EIF2AK1: variants seen among roughly 807,000 people sequenced by gnomAD.
The protein encoded by EIF2AK1 is eukaryotic translation initiation factor 2 alpha kinase 1.
EIF2AK1 carries 54 observed loss-of-function variants against 77.9 expected under a neutral mutation model. The ratio of observed to expected loss-of-function variants is 0.69; its 90% CI spans 0.56 to 0.87. EIF2AK1 has a LOEUF of 0.87. Ranked by LOEUF, EIF2AK1 falls within the 40% of genes least tolerant of loss-of-function variation. EIF2AK1 has a pLI of 0.00. For synonymous variants in EIF2AK1, 314 were observed against 290.5 expected (o/e 1.08, Z -0.82); for missense variants, 810 against 768.6 (o/e 1.05, Z -0.64).
rs1253653601 is a variant in EIF2AK1 at position 6,023,390 on chromosome 7, T to C, written c.*1283A>G. 3 of 1,614,170 alleles carry C rather than the reference T, an allele frequency of 1.9e-6. No homozygotes were observed. The highest frequency in any genetic ancestry group is 2.5e-6 in the Non-Finnish European group (3 of 1,180,012). On this transcript the variant is annotated 3_prime_UTR_variant, in exon 15 of 15. Coordinates refer to ENST00000199389, the MANE Select transcript of EIF2AK1 (RefSeq NM_014413.4). The stretch of plus-strand genomic sequence containing the variant: ...ATTGCACGTTTCTTGTTCTCTCTGT[T>C]TGGCCAGAAGCATAATGCTGTCAAC...
At chr7:6,044,496 C>T in intron 7 of EIF2AK1, 66 bp downstream of exon 7, 2 of 1,346,120 alleles carry the variant, frequency 1.5e-6, no homozygotes, top group Non-Finnish European at 1.0e-6. Flanking sequence ...CAAAGGCAGG[C>T]CAGATTTGGT....
At chr7:6,053,841 A>ATT (rs34993470) in intron 2 of EIF2AK1, among the ~76,000 whole-genome samples, 59 of 145,940 alleles carry the variant, frequency 4.0e-4, no homozygotes, top group East Asian at 8.1e-4. Context: ...GTAGTTTTGC[A>ATT]TTTTTTTTTT....
At chr7:6,045,250 C>A (rs909431360) in intron 6 of EIF2AK1, among the ~76,000 whole-genome samples, 1 of 151,910 alleles carries the variant, frequency 6.6e-6, no homozygotes, top group Non-Finnish European at 1.5e-5. Context: ...GGATTACAAG[C>A]ATGCACTACC....
intron 7 of EIF2AK1, among the ~76,000 whole-genome samples, chr7:6,043,805 A>G (rs1788365948): frequency 6.6e-6 from 1 of 151,940 alleles, no homozygotes; most frequent in African/African-American, 2.4e-5. Context: ...ATTTATTGAT[A>G]TTTAAATTTT....
In EIF2AK1 at chr7:6,023,938, A is replaced by G. The variant is rs895055568; in HGVS notation, c.*735T>C. On this transcript the variant is annotated 3_prime_UTR_variant, in exon 15 of 15. Coordinates refer to ENST00000199389, the MANE Select transcript of EIF2AK1 (RefSeq NM_014413.4). ...TCTGGGATTCAAAAACCAATTCATC[A>G]GATCGCTGCCTCTGAGGGATGTACA... 39 of 1,438,850 alleles carry G rather than the reference A, an allele frequency of 2.7e-5. No homozygotes were observed. In the East Asian group the frequency reaches 1.1e-3, roughly 40 times the overall value. 89.1% of individuals were successfully genotyped at this position (1,438,850 alleles called of 1,614,324 possible). A position where few individuals can be genotyped will look rare whatever the true frequency, so the allele number is the denominator to read the frequency against.
Position 6,054,720 on chromosome 7 carries a change from G to A in EIF2AK1, c.119-16C>T, listed in dbSNP as rs1788702822. On this transcript the variant is annotated splice_polypyrimidine_tract_variant and intron_variant, in intron 1 of 14. Coordinates refer to ENST00000199389, the MANE Select transcript of EIF2AK1 (RefSeq NM_014413.4). ...ACATCAGATTCTAAAAATTAAAAAG[G>A]AAAATATTTTTAAATTAATGGTAAA... is the stretch of plus-strand genomic sequence containing the variant. The A allele has an allele frequency of 1.9e-6, 3 of 1,603,766 alleles. No individual in the cohort carries two copies. The highest frequency in any genetic ancestry group is 2.7e-5 in the African/African-American group (2 of 74,490).
At chr7:6,038,852 G>A (rs1187481478) in intron 9 of EIF2AK1, among the ~76,000 whole-genome samples, 181 bp from the exon 10 acceptor site, 1 of 152,124 alleles carries the variant, frequency 6.6e-6, no homozygotes, top group Non-Finnish European at 1.5e-5. Context: ...GCCCACCCAA[G>A]AAGCCCAAAG....
chr7:6,038,778 C>A, intron 9 of EIF2AK1, 107 bp from the exon 10 acceptor site: 2 of 877,644 alleles, frequency 2.3e-6, no homozygotes, highest in East Asian at 3.0e-5. Flanking sequence ...GAGTAGGCCT[C>A]TAGGGAAGTC....
At position 6,027,587 on chromosome 7, in the gene EIF2AK1, C is replaced by A. The variant is rs1312566256; in HGVS notation, c.1531-626G>T. On this transcript the variant is annotated intron_variant, in intron 13 of 14. Transcript: ENST00000199389. This position sits in a 1 kb window ranked among gnomAD's most constrained non-coding sequence, Gnocchi z 4.5. ...TGGATTTTAGCATTTCTTCCAGGAA[C>A]AAGGGAGATTCAAACTTTACAGCAT... Among the ~76,000 whole-genome samples the A allele has an allele frequency of 6.6e-6, 1 of 151,972 alleles. No individual in the cohort carries two copies. The highest frequency in any genetic ancestry group is 1.5e-5 in the Non-Finnish European group (1 of 67,986).
chr7:6,053,276 A>G (rs1158944697), intron 2 of EIF2AK1, among the ~76,000 whole-genome samples: 1 of 152,172 alleles, frequency 6.6e-6, no homozygotes, highest in Admixed American at 6.6e-5. Context: ...TGTGATGTGT[A>G]ATAATCACAT....
chr7:6,051,838 A>G (rs1788614972), intron 2 of EIF2AK1, among the ~76,000 whole-genome samples: 1 of 152,180 alleles, frequency 6.6e-6, no homozygotes, highest in East Asian at 1.9e-4. Context: ...CAACTCACTG[A>G]TTACATCAAA....
chr7:6,028,483 C>G, intron 13 of EIF2AK1, 132 bp downstream of exon 13: 1 of 769,406 alleles, frequency 1.3e-6, no homozygotes, highest in Non-Finnish European at 2.2e-6. Context: ...AACTCCTGAC[C>G]TCCGGTGATC....
At chr7:6,025,380 T>A (rs963046776) in intron 14 of EIF2AK1, among the ~76,000 whole-genome samples, 1 of 89,664 alleles carries the variant, frequency 1.1e-5, no homozygotes, top group Non-Finnish European at 2.5e-5. Flanking sequence ...CAGGCTGGTC[T>A]TGAACTCCTG....
rs1389865893 is a variant in EIF2AK1 at position 6,037,538 on chromosome 7, A to C, written c.1232-14T>G. On this transcript the variant is annotated splice_polypyrimidine_tract_variant and intron_variant, in intron 10 of 14. Transcript: ENST00000199389. ...TAACATAAGGACCTTGAAGTAAAAA[A>C]AAATAGTTTTATTTCTCTAATTTTT... 6.5e-6 allele frequency: 10 copies of C among 1,541,300 alleles called. No homozygotes were observed. The highest frequency in any genetic ancestry group is 1.2e-5 in the South Asian group (1 of 86,248).
chr7:6,022,511 A>G lies in EIF2AK1; in HGVS notation c.*2162T>C, dbSNP rs1787499653. 1 of 152,238 alleles carries G rather than the reference A, an allele frequency of 6.6e-6. No individual in the cohort carries two copies. The highest frequency in any genetic ancestry group is 2.4e-5 in the African/African-American group (1 of 41,468). The allele number at this position is 152,238 out of a possible 1,614,324, so 9.4% of individuals were successfully genotyped here. A position where few individuals can be genotyped will look rare whatever the true frequency, so the allele number is the denominator to read the frequency against. The stretch of plus-strand genomic sequence containing the variant: ...CAACATGGTTTTGATAAGAGGCAGC[A>G]AGGGTTTAGGACATTCTGTGGCATA... On this transcript the variant is annotated 3_prime_UTR_variant, in exon 15 of 15. Transcript: ENST00000199389.
Position 6,024,551 on chromosome 7 carries a change from C to G in EIF2AK1, c.*122G>C. The G allele has an allele frequency of 6.6e-7, 1 of 1,514,730 alleles. No individual in the cohort carries two copies. The highest frequency in any genetic ancestry group is 1.4e-5 in the African/African-American group (1 of 71,032). 93.8% of individuals were successfully genotyped at this position (1,514,730 alleles called of 1,614,324 possible). A position where few individuals can be genotyped will look rare whatever the true frequency, so the allele number is the denominator to read the frequency against. On this transcript the variant is annotated 3_prime_UTR_variant, in exon 15 of 15. Transcript: ENST00000199389. ...GGAAGGAACGGCAGCTTGGGGCACT[C>G]TGACATCTTTAACAAGTCTTGTAAA...
rs780145663 is a variant in EIF2AK1, at chr7:6,023,900, A to G, written c.*773T>C. 2.0e-6 allele frequency: 3 copies of G among 1,503,840 alleles called. No homozygotes were observed. Among genetic ancestry groups the G allele is most frequent in the South Asian group, 1.2e-5 (1 of 82,878 alleles). The allele number at this position is 1,503,840 out of a possible 1,614,324, so 93.2% of individuals were successfully genotyped here. On this transcript the variant is annotated 3_prime_UTR_variant, in exon 15 of 15. Coordinates refer to ENST00000199389, the MANE Select transcript of EIF2AK1 (RefSeq NM_014413.4). ...ATCTACCGTGATGACTGCCAACTCC[A>G]TGGCAGACCCTTTCTGGGATTCAAA... is the stretch of plus-strand genomic sequence containing the variant.
intron 1 of EIF2AK1, among the ~76,000 whole-genome samples, chr7:6,056,669 A>G (rs961113489): frequency 4.9e-5 from 7 of 141,758 alleles, no homozygotes; most frequent in African/African-American, 1.8e-4. Context: ...CCTCTTTGGA[A>G]GAAAAGGCCA....
Position 6,028,939 on chromosome 7 carries a change from A to G in EIF2AK1, c.1426T>C (p.Trp476Arg), listed in dbSNP as rs1267533284. ...TTACTCTTCCCGTTTCTGTTGGTCCAGTCTGTGTTCTTCTGTAGGATGTCT... is the reference window on the plus strand; with the variant it reads ...TTACTCTTCCCGTTTCTGTTGGTCCGGTCTGTGTTCTTCTGTAGGATGTCT... ...CTDILQKNTDWTNRNGKRTPT... is the reference protein window; with the variant it reads ...CTDILQKNTDRTNRNGKRTPT... Residue 476 changes from tryptophan (W) to arginine (R), a missense_variant, in exon 12 of 15, where the codon TGG becomes CGG. Transcript: ENST00000199389. 6.2e-7 allele frequency: 1 copy of G among 1,607,820 alleles called. No homozygotes were observed. Among genetic ancestry groups the G allele is most frequent in the Admixed American group, 1.7e-5 (1 of 57,682 alleles).
Sources: allele counts gnomAD v4.1 joint callset (sites outside exome capture counted in the v4.1 genomes callset), GRCh38; gene constraint gnomAD v4.1.1; non-coding constraint Gnocchi (gnomAD v3.1); transcripts MANE v1.5; gene names NCBI Gene and HGNC (gene_info 2026-07-23, HGNC 2026-07-21).